The following LAMC2 variants were observed in gnomAD, a reference collection of about 807,000 sequenced individuals.
LAMC2 encodes laminin subunit gamma-2.
A neutral mutation model predicts 140.2 loss-of-function variants in LAMC2; 97 were observed. The ratio of observed to expected loss-of-function variants is 0.69; its 90% confidence interval spans 0.59 to 0.82. LAMC2 has a LOEUF of 0.82. Among genes scored for constraint, LAMC2 ranks in the 40% least tolerant of loss-of-function variants. The pLI is 0.00. For missense variants in LAMC2, 1,402 were observed against 1,476.1 expected (o/e 0.95, Z 0.82); for synonymous variants, 513 against 540.2 (o/e 0.95, Z 0.70).
chr1:183,197,623 C>G (rs1013444501), intron 1 of LAMC2, among the ~76,000 whole-genome samples: 3 of 151,726 alleles, frequency 2.0e-5, no homozygotes, highest in Middle Eastern at 3.4e-3. Context: ...TTGCTGTGAG[C>G]CGAGATCGTG....
At position 183,199,066 on chromosome 1, in the gene LAMC2, T is replaced by C. The variant is rs80054270; in HGVS notation, c.80-8815T>C. Among the ~76,000 whole-genome samples, 490 of 151,966 alleles carry C rather than the reference T, an allele frequency of 3.2e-3. 1 individual carries two copies. The highest frequency in any genetic ancestry group is 0.011 in the African/African-American group (471 of 41,444). ...AGTAGGCTTCTGGACGTCAGGGAGATTTCTGTATGTTCAGGTTCTTGTTGG... is the reference window on the plus strand; with the variant it reads ...AGTAGGCTTCTGGACGTCAGGGAGACTTCTGTATGTTCAGGTTCTTGTTGG... On this transcript the variant is annotated intron_variant, in intron 1 of 22. Coordinates refer to ENST00000264144, the MANE Select transcript of LAMC2 (RefSeq NM_005562.3).
intron 1 of LAMC2, among the ~76,000 whole-genome samples, chr1:183,206,857 C>G (rs3820694): frequency 0.13 from 19,795 of 151,878 alleles, 1,253 homozygotes; most frequent in East Asian, 0.23. Flanking sequence ...GGTTGGTGTT[C>G]GCATCAGGCA....
chr1:183,200,729 G>A (rs186438236), intron 1 of LAMC2, among the ~76,000 whole-genome samples: 2 of 152,160 alleles, frequency 1.3e-5, no homozygotes, highest in South Asian at 2.1e-4. Context: ...GATCCTGCTC[G>A]CCTCACTCTA....
intron 1 of LAMC2, among the ~76,000 whole-genome samples, chr1:183,189,377 C>T (rs1326528202): frequency 6.6e-6 from 1 of 152,032 alleles, no homozygotes; most frequent in Non-Finnish European, 1.5e-5. Flanking sequence ...ATCACTTGAG[C>T]CCAGGAGTTC....
intron 2 of LAMC2, among the ~76,000 whole-genome samples, chr1:183,209,565 G>T (rs925352260): frequency 2.0e-5 from 3 of 152,266 alleles, no homozygotes; most frequent in South Asian, 2.1e-4. Flanking sequence ...ATGAATCAAA[G>T]AACTTCATAA....
At chr1:183,197,794 A>G (rs1399112927) in intron 1 of LAMC2, among the ~76,000 whole-genome samples, 1 of 152,226 alleles carries the variant, frequency 6.6e-6, no homozygotes. Context: ...TCGGATGTCA[A>G]CAATTACGGT....
At chr1:183,213,192 T>A (rs1659124561) in intron 2 of LAMC2, among the ~76,000 whole-genome samples, 1 of 152,372 alleles carries the variant, frequency 6.6e-6, no homozygotes, top group South Asian at 2.1e-4. Context: ...CTAATACATA[T>A]AAAGTGCCTA....
chr1:183,196,749 G>A (rs1658532374), intron 1 of LAMC2, among the ~76,000 whole-genome samples: 1 of 138,964 alleles, frequency 7.2e-6, no homozygotes, highest in Non-Finnish European at 1.6e-5. Context: ...AGTTTTTAGT[G>A]TAACTTCTTT....
rs1196976706 is a variant in LAMC2, at chr1:183,238,315, T to G, written c.2763T>G (p.Asp921Glu). ...QNGKSGREKSDQLLSRANLAK... is the reference protein window; with the variant it reads ...QNGKSGREKSEQLLSRANLAK... ...TATCTGCCTTTTTACAGAAATCAGA[T>G]CAGCTGCTTTCCCGTGCCAATCTTG... The change falls in exon 19 of 23, where the codon GAT becomes GAG. Residue 921 changes from aspartate (D) to glutamate (E), a missense_variant. Physicochemically the swap from Asp to Glu is conservative, Grantham distance 45 (BLOSUM62 2). Coordinates refer to ENST00000264144, the MANE Select transcript of LAMC2 (RefSeq NM_005562.3). 6.2e-7 allele frequency: 1 copy of G among 1,613,500 alleles called. No homozygotes were observed. The highest frequency in any genetic ancestry group is 8.5e-7 in the Non-Finnish European group (1 of 1,179,564).
In LAMC2 at chr1:183,223,167, G is replaced by A. The variant is rs1659523795; in HGVS notation, c.796G>A (p.Gly266Ser). 3 of 1,614,132 alleles carry A rather than the reference G, an allele frequency of 1.9e-6. No individual in the cohort carries two copies. The highest frequency in any genetic ancestry group is 1.7e-6 in the Non-Finnish European group (2 of 1,180,028). The change falls in exon 7 of 23, where the codon GGT (glycine) becomes AGT (serine). Residue 266 changes from glycine to serine, a missense_variant. Coordinates refer to ENST00000264144, the MANE Select transcript of LAMC2 (RefSeq NM_005562.3). ...KFLGNQQVSY[G>S]QSLSFDYRVD... Reference sequence around the variant, plus strand: ...TCTTGGGAATCAACAGGTGAGCTATGGTCAAAGCCTGTCCTTTGACTACCG... The same window carrying A: ...TCTTGGGAATCAACAGGTGAGCTATAGTCAAAGCCTGTCCTTTGACTACCG...
chr1:183,212,009 T>C (rs1460128407), intron 2 of LAMC2, among the ~76,000 whole-genome samples: 2 of 152,262 alleles, frequency 1.3e-5, no homozygotes, highest in South Asian at 2.1e-4. Flanking sequence ...TTGTTTTTTT[T>C]TTGAGTGAGA....
In LAMC2 at chr1:183,232,225, C is replaced by G; in HGVS notation, c.1896C>G (p.Ala632=). 6.2e-7 allele frequency: 1 copy of G among 1,613,900 alleles called. No homozygotes were observed. The highest frequency in any genetic ancestry group is 8.5e-7 in the Non-Finnish European group (1 of 1,180,008). The change falls in exon 13 of 23, where the codon GCC becomes GCG. Residue 632 remains alanine (A), a synonymous_variant. Coordinates refer to ENST00000264144, the MANE Select transcript of LAMC2 (RefSeq NM_005562.3). ...QFMQQLQRME[A]LISKAQGGDG... ...TGCAGCAGCTTCAGAGAATGGAGGC[C>G]CTGATTTCAAAGGCTCAGGGTGGTG... is the stretch of plus-strand genomic sequence containing the variant.
At position 183,243,295 on chromosome 1, in the gene LAMC2, G is replaced by A. The variant is rs775449368; in HGVS notation, c.3477G>A (p.Leu1159=). Residue 1159 remains leucine (L), a synonymous_variant, in exon 23 of 23, where the codon CTG becomes CTA. Transcript: ENST00000264144. ...AGCAGAGGGGCCACCTCCATTTGCTGGAGACAAGCATAGATGGGATTCTGG... is the reference window on the plus strand; with the variant it reads ...AGCAGAGGGGCCACCTCCATTTGCTAGAGACAAGCATAGATGGGATTCTGG... ...ARQQRGHLHL[L]ETSIDGILAD... is the part of the protein sequence containing the mutation. 1.9e-6 allele frequency: 3 copies of A among 1,614,190 alleles called. No individual in the cohort carries two copies. Among genetic ancestry groups the A allele is most frequent in the South Asian group, 2.2e-5 (2 of 91,086 alleles).
chr1:183,218,353 G>A, intron 3 of LAMC2, 37 bp from the exon 4 acceptor site: 1 of 1,490,636 alleles, frequency 6.7e-7, no homozygotes, highest in East Asian at 2.3e-5. Context: ...GAAGCATTTG[G>A]AAGCATGTCC....
chr1:183,257,988 A>T, the LAMC2 span, among the ~76,000 whole-genome samples: 2 of 152,142 alleles, frequency 1.3e-5, no homozygotes, highest in Non-Finnish European at 2.9e-5. Context: ...TTATTGTTAG[A>T]AGCTTTCCTC....
Position 183,215,593 on chromosome 1 carries a change from G to A in LAMC2, c.404+5G>A. ...CACCCAAGACCAGAGACTGCTGTGA[G>A]TATTTGCATCCCACCATGGCTGTCA... On this transcript the variant is annotated splice_donor_5th_base_variant and intron_variant, in intron 3 of 22. Transcript: ENST00000264144. 1 of 1,614,134 alleles carries A rather than the reference G, an allele frequency of 6.2e-7. No homozygotes were observed. Among genetic ancestry groups the A allele is most frequent in the Non-Finnish European group, 8.5e-7 (1 of 1,180,026 alleles).
At chr1:183,233,255 A>G (rs1299159214) in intron 14 of LAMC2, among the ~76,000 whole-genome samples, 1 of 152,172 alleles carries the variant, frequency 6.6e-6, no homozygotes. Flanking sequence ...TAAATGAATG[A>G]ATGAATGAAA....
At chr1:183,203,303 C>T (rs1324606241) in intron 1 of LAMC2, among the ~76,000 whole-genome samples, 1 of 152,142 alleles carries the variant, frequency 6.6e-6, no homozygotes, top group East Asian at 1.9e-4. Context: ...TTCCTGTTGC[C>T]TTACTCTAAG....
At chr1:183,215,209 T>A (rs1659213793) in intron 2 of LAMC2, among the ~76,000 whole-genome samples, 1 of 152,124 alleles carries the variant, frequency 6.6e-6, no homozygotes, top group South Asian at 2.1e-4. Context: ...ACTGTCACAA[T>A]CAGAGCAGAC....
Sources: gnomAD v4.1 joint callset for allele counts (sites outside exome capture counted in the v4.1 genomes callset) on GRCh38, gnomAD v4.1.1 for gene constraint, MANE v1.5 for transcripts, NCBI Gene and HGNC (gene_info 2026-07-23, HGNC 2026-07-21) for gene names.